Variants in MYO15A observed in about 807,000 individuals in gnomAD.
The protein encoded by MYO15A is myosin XVA, also known as unconventional myosin-XV.
MYO15A carries 308 observed loss-of-function variants against 394.6 expected under a neutral mutation model. That is an observed-to-expected ratio of 0.78 (90% CI 0.71 to 0.86). The LOEUF (loss-of-function observed/expected upper bound fraction) is 0.86. Among genes scored for constraint, MYO15A ranks in the 40% least tolerant of loss-of-function variants. The pLI is 0.00. For synonymous variants in MYO15A, 1,957 were observed against 2,003.8 expected, an observed-to-expected ratio of 0.98 and a Z score of 0.62; for missense variants, 4,606 against 4,799.1, an observed-to-expected ratio of 0.96 and a Z score of 1.19.
rs369725588 is a variant in MYO15A at position 18,130,785 on chromosome 17, C to T, written c.4033-20C>T. On this transcript the variant is annotated intron_variant, in intron 7 of 65. Transcript: ENST00000647165. ...TGTTCTTGTCTGTCTCTTTGTCCTC[C>T]CTCCTGGACGCTCTTGAAGATAAAG... 9.8e-5 allele frequency: 157 copies of T among 1,609,446 alleles called. No homozygotes were observed. The African/African-American group carries it at 1.8e-3, about 19-fold the overall frequency.
Position 18,171,751 on chromosome 17 carries a change from A to G in MYO15A, c.10196A>G (p.Gln3399Arg), listed in dbSNP as rs766204981. The G allele has an allele frequency of 1.2e-6, 2 of 1,611,028 alleles. No homozygotes were observed. The highest frequency in any genetic ancestry group is 1.7e-6 in the Non-Finnish European group (2 of 1,179,890). Reference sequence around the variant, plus strand: ...CAGACACAGGCGCTCAGCCCCCACCAGGCCCGTGCCCAGTTTCTGGGTAAG... The same window carrying G: ...CAGACACAGGCGCTCAGCCCCCACCGGGCCCGTGCCCAGTTTCTGGGTAAG... ...RQQTQALSPH[Q>R]ARAQFLGLLS... Residue 3399 changes from glutamine (Q) to arginine (R), a missense_variant, in exon 63 of 66, where the codon CAG becomes CGG. By Grantham distance (43) the Gln-to-Arg change is conservative (BLOSUM62 1). Transcript: ENST00000647165.
rs1189081520 is a variant in MYO15A at position 18,153,764 on chromosome 17, G to T, written c.7967-11G>T. 1 of 1,613,090 alleles carries T rather than the reference G, an allele frequency of 6.2e-7. No homozygotes were observed. The highest frequency in any genetic ancestry group is 2.2e-5 in the East Asian group (1 of 44,828). ...GCCTTCTCCTGACTCCCTGATCCCC[G>T]CGCTCTCCAGCTCTGCCCTCGCGAT... is the stretch of plus-strand genomic sequence containing the variant. On this transcript the variant is annotated splice_polypyrimidine_tract_variant and intron_variant, in intron 42 of 65. Transcript: ENST00000647165. The surrounding 1 kb of genome is among the most constrained non-coding windows in gnomAD (Gnocchi z 4.1).
intron 28 of MYO15A, 136 bp downstream of exon 28, chr17:18,144,136 T>G: frequency 1.4e-6 from 2 of 1,429,416 alleles, no homozygotes; most frequent in Non-Finnish European, 1.9e-6. Context: ...TGCTGGATCA[T>G]AGGGAATCTG....
chr17:18,145,582 C>A, intron 29 of MYO15A, among the ~76,000 whole-genome samples: 1 of 152,092 alleles, frequency 6.6e-6, no homozygotes. Context: ...GGTGTGGCTG[C>A]ATGTGCCTGT....
rs1235879042 is a variant in MYO15A at position 18,119,347 on chromosome 17, C to T, written c.547C>T (p.Pro183Ser). 2.5e-6 allele frequency: 4 copies of T among 1,609,150 alleles called. No homozygotes were observed. Among genetic ancestry groups the T allele is most frequent in the Non-Finnish European group, 2.5e-6 (3 of 1,179,166 alleles). The change falls in exon 2 of 66, where the codon CCT becomes TCT. Residue 183 changes from proline to serine, a missense_variant. By Grantham distance (74) the Pro-to-Ser change is moderately conservative (BLOSUM62 -1). Transcript: ENST00000647165. ...PFPSGAEILR[P>S]GGRLRRFPRS... ...CCCGTCGGGTGCCGAGATCCTGCGGCCTGGGGGCCGGCTCCGGAGGTTCCC... is the reference window on the plus strand; with the variant it reads ...CCCGTCGGGTGCCGAGATCCTGCGGTCTGGGGGCCGGCTCCGGAGGTTCCC...
At chr17:18,138,055 A>C (rs1597787746) in intron 16 of MYO15A, 60 bp from the exon 17 acceptor site, 1 of 596,062 alleles carries the variant, frequency 1.7e-6, no homozygotes, top group South Asian at 2.5e-5. Context: ...CATGGGAGGG[A>C]GGGTGGGTGG....
chr17:18,143,500 G>A, intron 25 of MYO15A, 66 bp from the exon 26 acceptor site: 1 of 1,539,606 alleles, frequency 6.5e-7, no homozygotes, highest in Non-Finnish European at 8.8e-7. Flanking sequence ...AGCTGGCCTG[G>A]CCTGCCTGGG....
chr17:18,125,230 A>T lies in MYO15A; in HGVS notation c.3755A>T (p.Tyr1252Phe). 1.9e-6 allele frequency: 3 copies of T among 1,614,100 alleles called. No homozygotes were observed. The highest frequency in any genetic ancestry group is 2.5e-6 in the Non-Finnish European group (3 of 1,180,006). The change falls in exon 4 of 66, where the codon TAC (tyrosine) becomes TTC (phenylalanine). Residue 1252 changes from tyrosine to phenylalanine, a missense_variant and splice_region_variant. Tyr to Phe is a conservative substitution (Grantham distance 22, BLOSUM62 3). This residue lies in a region of MYO15A where 2,776 missense variants were observed against 3,109.3 expected (regional missense o/e 0.89). Coordinates refer to ENST00000647165, the MANE Select transcript of MYO15A (RefSeq NM_016239.4). ...LKIRFERNLI[Y>F]TYIGSILVSV... is the part of the protein sequence containing the mutation. ...ATTAGATTTGAACGGAACCTCATCT[A>T]CGTAAGGCCTGGGGCTGGCCCTGCC...
At chr17:18,138,787 C>A (rs756422643) in intron 17 of MYO15A, 24 bp from the exon 18 acceptor site, 1 of 1,612,966 alleles carries the variant, frequency 6.2e-7, no homozygotes. Flanking sequence ...CCTGCCCACC[C>A]ACTGATCCCT....
chr17:18,159,397 A>C, intron 54 of MYO15A, 50 bp downstream of exon 54: 1 of 1,599,992 alleles, frequency 6.3e-7, no homozygotes, highest in Non-Finnish European at 8.6e-7. Context: ...GGGATCCAGC[A>C]CTGTGTGATC....
At chr17:18,156,428 G>A (rs761062869) in intron 48 of MYO15A, 92 bp downstream of exon 48, 21 of 1,440,468 alleles carry the variant, frequency 1.5e-5, no homozygotes, top group Non-Finnish European at 2.0e-5. Flanking sequence ...TGTGTCCATA[G>A]ATTTCTGTCT....
intron 64 of MYO15A, chr17:18,172,768 A>T (rs2046960907): frequency 3.7e-6 from 1 of 273,044 alleles, no homozygotes; most frequent in Non-Finnish European, 7.1e-6. Flanking sequence ...ATTTCCTCTT[A>T]TAAGGACATC....
At chr17:18,131,712 C>T (rs966374769) in intron 10 of MYO15A, among the ~76,000 whole-genome samples, 181 bp downstream of exon 10, 6 of 152,082 alleles carry the variant, frequency 3.9e-5, no homozygotes, top group African/African-American at 1.2e-4. Flanking sequence ...CACGGTGGCT[C>T]CTCCCTGCCC....
At position 18,121,916 on chromosome 17, in the gene MYO15A, C is replaced by T; in HGVS notation, c.3116C>T (p.Thr1039Ile). The stretch of plus-strand genomic sequence containing the variant: ...ACCCCAGCACCTCCCAAGGATGTCA[C>T]TCCCCCCAAGGATATCACTCCCCCC... ...PPTPAPPKDV[T>I]PPKDITPPKD... The change falls in exon 2 of 66, where the codon ACT becomes ATT. Residue 1039 changes from threonine to isoleucine, a missense_variant. This residue lies in a region of MYO15A where 1,830 missense variants were observed against 1,689.7 expected (regional missense o/e 1.08). Transcript: ENST00000647165. The surrounding 1 kb of genome is among the most constrained non-coding windows in gnomAD (Gnocchi z 5.3). The T allele has an allele frequency of 1.9e-6, 3 of 1,613,180 alleles. No homozygotes were observed. The highest frequency in any genetic ancestry group is 2.5e-6 in the Non-Finnish European group (3 of 1,179,920).
At chr17:18,158,165 A>T in intron 51 of MYO15A, 2 of 603,032 alleles carry the variant, frequency 3.3e-6, no homozygotes, top group Non-Finnish European at 5.8e-6. Flanking sequence ...CAATGGGGTC[A>T]GACCAGCCGG....
At chr17:18,149,867 C>A in intron 35 of MYO15A, 1 of 459,994 alleles carries the variant, frequency 2.2e-6, no homozygotes, top group Non-Finnish European at 4.0e-6. Flanking sequence ...ATGGGAGGAT[C>A]ACTTGAGCCC....
chr17:18,122,520 G>C, intron 2 of MYO15A, 111 bp downstream of exon 2: 1 of 1,447,980 alleles, frequency 6.9e-7, no homozygotes, highest in Non-Finnish European at 9.1e-7. Context: ...TGCTTGCTGG[G>C]GCCTCAGTCT....
intron 7 of MYO15A, among the ~76,000 whole-genome samples, chr17:18,129,659 T>C (rs2046116114): frequency 6.6e-6 from 1 of 152,166 alleles, no homozygotes; most frequent in Non-Finnish European, 1.5e-5. Context: ...TCGAGTGGAC[T>C]CTGGAGTCCC....
intron 60 of MYO15A, 29 bp downstream of exon 60, chr17:18,163,867 G>A: frequency 1.2e-6 from 2 of 1,605,500 alleles, no homozygotes; most frequent in Non-Finnish European, 1.7e-6. Flanking sequence ...GAGCATGCTG[G>A]GCCCATTCCC....
Sources: allele counts gnomAD v4.1 joint callset (sites outside exome capture counted in the v4.1 genomes callset), GRCh38; gene constraint gnomAD v4.1.1; regional missense constraint gnomAD v4.1.1; non-coding constraint Gnocchi (gnomAD v3.1); transcripts MANE v1.5; gene names NCBI Gene and HGNC (gene_info 2026-07-23, HGNC 2026-07-21).